CCL16: variants seen among roughly 807,000 people sequenced by gnomAD.
The protein encoded by CCL16 is C-C motif chemokine ligand 16.
A neutral mutation model predicts 7.5 loss-of-function variants in CCL16; 6 were observed. That is an observed-to-expected ratio of 0.80 (90% CI 0.44 to 1.57). The LOEUF is 1.57. Ranked by LOEUF, CCL16 falls within the 40% of genes most tolerant of loss-of-function variation. The probability of loss-of-function intolerance (pLI) is 0.01; values close to 1 mark genes in which losing one functional copy is unlikely to be tolerated. For synonymous variants in CCL16, 60 were observed against 57.7 expected, an observed-to-expected ratio of 1.04 and a Z score of -0.18; for missense variants, 134 against 142.9, an observed-to-expected ratio of 0.94 and a Z score of 0.32.
intron 1 of CCL16, among the ~76,000 whole-genome samples, chr17:35,980,151 T>C (rs1354716381): frequency 6.6e-6 from 1 of 152,166 alleles, no homozygotes; most frequent in Non-Finnish European, 1.5e-5. Flanking sequence ...GTGGGCAGAT[T>C]ACATGGTGCA....
rs750913925 is a variant in CCL16 at position 35,981,442 on chromosome 17, C to G, written c.-22G>C. 7 of 1,578,834 alleles carry G rather than the reference C, an allele frequency of 4.4e-6. No homozygotes were observed. Among genetic ancestry groups the G allele is most frequent in the Admixed American group, 3.5e-5 (2 of 57,956 alleles). ...TCATCCTCTCAGCGAGGCAGTACAG[C>G]TTCAGGGAGAGCCGAATGAAGATGT... On this transcript the variant is annotated 5_prime_UTR_variant, in exon 1 of 3. Transcript: ENST00000611905.
chr17:35,981,423 T>G lies in CCL16; in HGVS notation c.-3A>C. ...AGGGCAGCCTCGGAGACCTTCATCC[T>G]CTCAGCGAGGCAGTACAGCTTCAGG... On this transcript the variant is annotated 5_prime_UTR_variant, in exon 1 of 3. Coordinates refer to ENST00000611905, the MANE Select transcript of CCL16 (RefSeq NM_004590.4). The G allele has an allele frequency of 6.2e-7, 1 of 1,607,912 alleles. No individual in the cohort carries two copies. Among genetic ancestry groups the G allele is most frequent in the Non-Finnish European group, 8.5e-7 (1 of 1,176,450 alleles).
chr17:35,977,063 T>A lies in CCL16; in HGVS notation c.*503A>T, dbSNP rs1425224700. The A allele has an allele frequency of 6.5e-6, 1 of 152,720 alleles. No individual in the cohort carries two copies. The highest frequency in any genetic ancestry group is 1.5e-5 in the Non-Finnish European group (1 of 68,440). 9.5% of individuals were successfully genotyped at this position (152,720 alleles called of 1,614,324 possible). A position where few individuals can be genotyped will look rare whatever the true frequency, so the allele number is the denominator to read the frequency against. ...CGGATGTGGTGGCTCACGCCTGTAATCCCAGCACTTTTGGAAGGCTGAGGC... is the reference window on the plus strand; with the variant it reads ...CGGATGTGGTGGCTCACGCCTGTAAACCCAGCACTTTTGGAAGGCTGAGGC... On this transcript the variant is annotated 3_prime_UTR_variant, in exon 3 of 3. Coordinates refer to ENST00000611905, the MANE Select transcript of CCL16 (RefSeq NM_004590.4).
In CCL16 at chr17:35,977,667, T is replaced by G. The variant is rs371738984; in HGVS notation, c.262A>C (p.Ile88Leu). ...AGCAAAGGTAGGTTGGGATCCTTGATGTACTCTTGGACCCAGTCGTCATTG... is the reference window on the plus strand; with the variant it reads ...AGCAAAGGTAGGTTGGGATCCTTGAGGTACTCTTGGACCCAGTCGTCATTG... Reference protein sequence around the residue: ...NPNDDWVQEYIKDPNLPLLPT... With the variant: ...NPNDDWVQEYLKDPNLPLLPT... The change falls in exon 3 of 3, where the codon ATC (isoleucine) becomes CTC (leucine). Residue 88 changes from isoleucine (I) to leucine (L), a missense_variant. Coordinates refer to ENST00000611905, the MANE Select transcript of CCL16 (RefSeq NM_004590.4). 1.2e-6 allele frequency: 2 copies of G among 1,612,190 alleles called. No homozygotes were observed. Among genetic ancestry groups the G allele is most frequent in the East Asian group, 2.2e-5 (1 of 44,892 alleles).
chr17:35,979,796 C>G (rs934166154), intron 1 of CCL16, among the ~76,000 whole-genome samples: 1 of 152,144 alleles, frequency 6.6e-6, no homozygotes, highest in African/African-American at 2.4e-5. Context: ...CACTGTGTTT[C>G]CTTTGAGCTG....
At chr17:35,978,293 G>A (rs754729739) in intron 1 of CCL16, 30 bp from the exon 2 acceptor site, 2 of 1,613,912 alleles carry the variant, frequency 1.2e-6, no homozygotes, top group East Asian at 4.5e-5. Context: ...AGCTGAGCCA[G>A]GGAAGCAGAG....
chr17:35,979,506 T>G (rs1426963887), intron 1 of CCL16, among the ~76,000 whole-genome samples: 1 of 152,182 alleles, frequency 6.6e-6, no homozygotes, highest in Admixed American at 6.5e-5. Flanking sequence ...GAATTTTGAC[T>G]TGAATCATGG....
rs370055535 is a variant in CCL16, at chr17:35,978,124, T to G, written c.197+19A>C. On this transcript the variant is annotated intron_variant, in intron 2 of 2. Transcript: ENST00000611905. ...CTCCCTGTCCCTCTCCACAGAAATA[T>G]CTAAAAGGACGTGCTTACATGATTG... 1.9e-6 allele frequency: 3 copies of G among 1,614,174 alleles called. No homozygotes were observed. In the South Asian group the frequency reaches 3.3e-5, roughly 18 times the overall value.
chr17:35,977,832 A>C, intron 2 of CCL16, 101 bp from the exon 3 acceptor site: 3 of 1,358,950 alleles, frequency 2.2e-6, no homozygotes, highest in Non-Finnish European at 3.0e-6. Flanking sequence ...TATGTTCTTT[A>C]AAGCTTCCCT....
At chr17:35,980,712 A>G (rs1025384010) in intron 1 of CCL16, among the ~76,000 whole-genome samples, 2 of 152,110 alleles carry the variant, frequency 1.3e-5, no homozygotes, top group Non-Finnish European at 2.9e-5. Flanking sequence ...ATAGGCCCCA[A>G]TTCTCCCTTT....
At chr17:35,977,841 C>T (rs1269140670) in intron 2 of CCL16, 110 bp from the exon 3 acceptor site, 5 of 1,279,520 alleles carry the variant, frequency 3.9e-6, no homozygotes, top group Non-Finnish European at 5.4e-6. Context: ...TAAAGCTTCC[C>T]TGGGCCTGTC....
At position 35,977,712 on chromosome 17, in the gene CCL16, G is replaced by C; in HGVS notation, c.217C>G (p.Arg73Gly). 6.2e-7 allele frequency: 1 copy of C among 1,612,070 alleles called. No homozygotes were observed. The highest frequency in any genetic ancestry group is 8.5e-7 in the Non-Finnish European group (1 of 1,179,952). ...TCATTGGGGTTGGTGCAGACTTCTC[G>C]GTTCCTCTTGGTGACGAAGCTGCAG... ...PAIIFVTKRN[R>G]EVCTNPNDDW... Residue 73 changes from arginine to glycine, a missense_variant, in exon 3 of 3, where the codon CGA (arginine) becomes GGA (glycine). Physicochemically the swap from Arg to Gly is moderately radical, Grantham distance 125. Transcript: ENST00000611905.
intron 1 of CCL16, 128 bp from the exon 2 acceptor site, chr17:35,978,391 T>C (rs2089656826): frequency 1.6e-6 from 2 of 1,213,154 alleles, no homozygotes; most frequent in African/African-American, 1.5e-5. Context: ...AGACCAATGA[T>C]AGCTTGACTG....
rs772634344 is a variant in CCL16 at position 35,977,545 on chromosome 17, G to T, written c.*21C>A. 46 of 1,610,074 alleles carry T rather than the reference G, an allele frequency of 2.9e-5. No individual in the cohort carries two copies. The highest frequency in any genetic ancestry group is 3.6e-5 in the Non-Finnish European group (43 of 1,178,508). On this transcript the variant is annotated 3_prime_UTR_variant, in exon 3 of 3. Coordinates refer to ENST00000611905, the MANE Select transcript of CCL16 (RefSeq NM_004590.4). The stretch of plus-strand genomic sequence containing the variant: ...TTACCCCTCTCTTCTGTAAACAAGG[G>T]CTTCCACTAAAGCCTGGTCATCACT...
intron 1 of CCL16, 141 bp from the exon 2 acceptor site, chr17:35,978,404 A>C: frequency 9.1e-7 from 1 of 1,100,996 alleles, no homozygotes; most frequent in Non-Finnish European, 1.3e-6. Context: ...CTTGACTGGT[A>C]ATGAAGTGCA....
Position 35,977,636 on chromosome 17 carries a change from G to C in CCL16, c.293C>G (p.Thr98Ser), listed in dbSNP as rs1258056740. 6.2e-7 allele frequency: 1 copy of C among 1,612,466 alleles called. No homozygotes were observed. Among genetic ancestry groups the C allele is most frequent in the Non-Finnish European group, 8.5e-7 (1 of 1,179,996 alleles). Residue 98 changes from threonine (T) to serine (S), a missense_variant, in exon 3 of 3, where the codon ACC (threonine) becomes AGC (serine). Coordinates refer to ENST00000611905, the MANE Select transcript of CCL16 (RefSeq NM_004590.4). ...AATTTTAACCGTGGACAAGTTCCTG[G>C]TAGGCAGCAAAGGTAGGTTGGGATC... ...IKDPNLPLLP[T>S]RNLSTVKIIT...
chr17:35,981,269 G>A (rs1287043135), intron 1 of CCL16, 76 bp downstream of exon 1: 9 of 1,002,794 alleles, frequency 9.0e-6, no homozygotes, highest in Admixed American at 4.0e-5. Context: ...ACCCGACAGC[G>A]CCCTTGGCAC....
intron 1 of CCL16, among the ~76,000 whole-genome samples, chr17:35,980,044 A>C (rs116689901): frequency 7.6e-4 from 115 of 152,262 alleles, no homozygotes; most frequent in African/African-American, 2.5e-3. Flanking sequence ...CCCAAAGAGC[A>C]CTGTTCCCCC....
Position 35,981,332 on chromosome 17 carries a change from C to A in CCL16, c.76+13G>T, listed in dbSNP as rs766225384. The A allele has an allele frequency of 2.5e-6, 4 of 1,598,844 alleles. No individual in the cohort carries two copies. Among genetic ancestry groups the A allele is most frequent in the Admixed American group, 3.4e-5 (2 of 59,318 alleles). On this transcript the variant is annotated intron_variant, in intron 1 of 2. Transcript: ENST00000611905. The stretch of plus-strand genomic sequence containing the variant: ...CTTTCTCGTTCCTGCCCTACAGAGA[C>A]AAGTGGACTCACTTGGCTGGCTGCG...
Sources: allele counts gnomAD v4.1 joint callset (sites outside exome capture counted in the v4.1 genomes callset), GRCh38; gene constraint gnomAD v4.1.1; transcripts MANE v1.5; gene names NCBI Gene and HGNC (gene_info 2026-07-23, HGNC 2026-07-21).